TRERF1: variants seen among roughly 807,000 people sequenced by gnomAD.
The protein encoded by TRERF1 is transcriptional regulating factor 1, also known as transcriptional-regulating factor 1.
TRERF1 carries 27 observed loss-of-function variants against 122.9 expected under a neutral mutation model. The ratio of observed to expected loss-of-function variants is 0.22; its 90% CI spans 0.16 to 0.30. The LOEUF (loss-of-function observed/expected upper bound fraction) is 0.30, where lower values mean the gene tolerates loss of function less well. Among genes scored for constraint, TRERF1 ranks in the 10% least tolerant of loss-of-function variants. TRERF1 has a pLI of 1.00. For missense variants in TRERF1, 1,248 were observed against 1,560.3 expected, an observed-to-expected ratio of 0.80 and a Z score of 3.37; for synonymous variants, 636 against 641.7, an observed-to-expected ratio of 0.99 and a Z score of 0.13.
Position 42,243,301 on chromosome 6 carries a change from G to A in TRERF1, c.2806C>T (p.Arg936Trp), listed in dbSNP as rs746577995. 40 of 1,613,978 alleles carry A rather than the reference G, an allele frequency of 2.5e-5. No homozygotes were observed. Among genetic ancestry groups the A allele is most frequent in the Non-Finnish European group, 3.0e-5 (35 of 1,180,008 alleles). ...CGTGTCCGGTGTTTCCGCCCCAGCC[G>A]CATGATCTTTTTCCACGTGTAGTAG... The change falls in exon 15 of 18, where the codon CGG becomes TGG. Residue 936 changes from arginine (R) to tryptophan (W), a missense_variant. Around this residue, in one of 5 missense-constraint regions of TRERF1, gnomAD observed 159 missense variants for 221.7 expected, o/e 0.72. Coordinates refer to ENST00000372922, the Ensembl canonical transcript of TRERF1.
intron 15 of TRERF1, among the ~76,000 whole-genome samples, chr6:42,239,571 C>T (rs971391258): frequency 6.6e-6 from 1 of 152,180 alleles, no homozygotes; most frequent in Non-Finnish European, 1.5e-5. Flanking sequence ...TGAGCATGTT[C>T]CTTCATGTTC....
intron 14 of TRERF1, 27 bp from the exon 15 acceptor site, chr6:42,243,388 G>A (rs1178419571): frequency 7.2e-6 from 11 of 1,528,742 alleles, no homozygotes; most frequent in Non-Finnish European, 9.1e-6. Context: ...CTCAAGGTTA[G>A]CTCCAGCAAT....
At chr6:42,408,191 T>G (rs1780462948) in intron 2 of TRERF1, among the ~76,000 whole-genome samples, 1 of 136,908 alleles carries the variant, frequency 7.3e-6, no homozygotes. Context: ...CCTCTTCCAT[T>G]AACTTCGCTA....
chr6:42,414,561 T>C (rs1781568208), intron 2 of TRERF1, among the ~76,000 whole-genome samples: 1 of 152,242 alleles, frequency 6.6e-6, no homozygotes, highest in Non-Finnish European at 1.5e-5. Context: ...ACTTAATATA[T>C]TCCTTTTAAC....
rs1787049256 is a variant in TRERF1 at position 42,444,177 on chromosome 6, G to GTT, written c.-454+6999_-454+7000insAA. On this transcript the variant is annotated intron_variant, in intron 2 of 17. Coordinates refer to ENST00000372922, the Ensembl canonical transcript of TRERF1. ...ACAACCTAAACAACAGGCAGCCTTTGCTTTTTTTTTTTTTTTGCTTTTTTT... is the reference window on the plus strand; with the variant it reads ...ACAACCTAAACAACAGGCAGCCTTTGTTCTTTTTTTTTTTTTTTGCTTTTTTT... Among the ~76,000 whole-genome samples the GTT allele has an allele frequency of 1.7e-4, 13 of 78,286 alleles. No homozygotes were observed. In the South Asian group the frequency reaches 4.9e-3, roughly 29 times the overall value. The allele number at this position is 78,286 out of a possible 152,430, so 51.4% of individuals were successfully genotyped here.
intron 2 of TRERF1, among the ~76,000 whole-genome samples, chr6:42,380,082 T>C (rs1775652584): frequency 6.6e-6 from 1 of 151,704 alleles, no homozygotes; most frequent in East Asian, 1.9e-4. Context: ...AAGAGTGGAG[T>C]CAGCCATGCA....
rs1776833918 is a variant in TRERF1, at chr6:42,386,451, G to A, written c.-453-23372C>T. On this transcript the variant is annotated intron_variant, in intron 2 of 17. Transcript: ENST00000372922. Reference sequence around the variant, plus strand: ...TAGCGAGACCCTGTTTCAAAAAAAGGAGAAAGAAAGAAAGAAAAAAGCAGA... The same window carrying A: ...TAGCGAGACCCTGTTTCAAAAAAAGAAGAAAGAAAGAAAGAAAAAAGCAGA... 3.9e-5 allele frequency among the ~76,000 whole-genome samples: 6 copies of A among 152,106 alleles called. No individual in the cohort carries two copies. The South Asian group carries it at 1.2e-3, about 32-fold the overall frequency.
At chr6:42,450,199 T>G (rs1392911079) in intron 2 of TRERF1, among the ~76,000 whole-genome samples, 2 of 152,202 alleles carry the variant, frequency 1.3e-5, no homozygotes, top group East Asian at 3.8e-4. Context: ...ACACTTCCTA[T>G]CGCCAAACTC....
chr6:42,451,317 C>T (rs923543319), intron 1 of TRERF1, 56 bp from the exon 2 acceptor site: 6 of 152,612 alleles, frequency 3.9e-5, no homozygotes, highest in African/African-American at 1.4e-4. Context: ...CAGCGCTACT[C>T]ACTTACTGTA....
chr6:42,446,634 G>A (rs925622676), intron 2 of TRERF1, among the ~76,000 whole-genome samples: 1 of 152,170 alleles, frequency 6.6e-6, no homozygotes, highest in African/African-American at 2.4e-5. Context: ...CACAGTGCCT[G>A]GCAAATAGTA....
chr6:42,298,137 GT>G (rs199995481), intron 4 of TRERF1, among the ~76,000 whole-genome samples: 4 of 149,870 alleles, frequency 2.7e-5, no homozygotes, highest in Non-Finnish European at 4.5e-5. Flanking sequence ...GATAGTTGTT[GT>G]TTTTTTTTGT....
rs747454619 is a variant in TRERF1 at position 42,259,732 on chromosome 6, G to A, written c.1885-9C>T. The stretch of plus-strand genomic sequence containing the variant: ...TGCTTCCTGGGGATTTCCTAAAACC[G>A]GAACAACGATCTGATTCGAATACTT... On this transcript the variant is annotated splice_polypyrimidine_tract_variant and intron_variant, in intron 8 of 17. Transcript: ENST00000372922. The surrounding 1 kb of genome is among the most constrained non-coding windows in gnomAD (Gnocchi z 4.9). 2.5e-6 allele frequency: 4 copies of A among 1,600,528 alleles called. No homozygotes were observed. Among genetic ancestry groups the A allele is most frequent in the Admixed American group, 1.7e-5 (1 of 59,986 alleles).
intron 3 of TRERF1, among the ~76,000 whole-genome samples, chr6:42,360,783 A>AC (rs1423786480): frequency 1.1e-4 from 16 of 139,270 alleles, no homozygotes; most frequent in African/African-American, 4.9e-4. Context: ...AAAAAAAAAA[A>AC]AAAAAAAAAA....
chr6:42,359,147 A>G (rs183808052), intron 3 of TRERF1, among the ~76,000 whole-genome samples: 1 of 152,168 alleles, frequency 6.6e-6, no homozygotes, highest in Non-Finnish European at 1.5e-5. Flanking sequence ...TGCTCTCCGC[A>G]CCGTTAATCT....
intron 3 of TRERF1, among the ~76,000 whole-genome samples, chr6:42,351,298 A>G (rs1280335287): frequency 6.6e-6 from 1 of 152,246 alleles, no homozygotes; most frequent in African/African-American, 2.4e-5. Flanking sequence ...AATCAGAGGA[A>G]TACTCCAAGA....
chr6:42,233,589 A>G (rs1771315467), intron 16 of TRERF1, among the ~76,000 whole-genome samples: 1 of 151,860 alleles, frequency 6.6e-6, no homozygotes, highest in African/African-American at 2.4e-5. Context: ...CTGGCCTCAA[A>G]CTTTTTTAAA....
chr6:42,358,184 T>A lies in TRERF1; in HGVS notation c.-371+4813A>T, dbSNP rs945672152. On this transcript the variant is annotated intron_variant, in intron 3 of 17. Transcript: ENST00000372922. ...TGAAGACATTTATCATTTTTAGGGT[T>A]AAATAGTGGAAAAGGAAAAACTGTT... is the stretch of plus-strand genomic sequence containing the variant. Among the ~76,000 whole-genome samples, 3 of 152,204 alleles carry A rather than the reference T, an allele frequency of 2.0e-5. 1 individual carries two copies. The highest frequency in any genetic ancestry group is 6.3e-3 in the Middle Eastern group (2 of 316).
chr6:42,361,856 A>C (rs889595379), intron 3 of TRERF1, among the ~76,000 whole-genome samples: 1 of 152,160 alleles, frequency 6.6e-6, no homozygotes, highest in Non-Finnish European at 1.5e-5. Flanking sequence ...TCTGGCTCTG[A>C]CTGAGGCTGC....
At chr6:42,360,114 T>C (rs562099480) in intron 3 of TRERF1, among the ~76,000 whole-genome samples, 1 of 152,376 alleles carries the variant, frequency 6.6e-6, no homozygotes, top group Non-Finnish European at 1.5e-5. Context: ...GGTGACAATA[T>C]TTGGCAATAT....
Sources: allele counts gnomAD v4.1 joint callset (sites outside exome capture counted in the v4.1 genomes callset), GRCh38; gene constraint gnomAD v4.1.1; regional missense constraint gnomAD v4.1.1; non-coding constraint Gnocchi (gnomAD v3.1); transcripts MANE v1.5; gene names NCBI Gene and HGNC (gene_info 2026-07-23, HGNC 2026-07-21).